Variants in RPTOR observed in about 807,000 individuals in gnomAD.
RPTOR encodes regulatory associated protein of MTOR complex 1, also known as regulatory-associated protein of mTOR.
In RPTOR, 21 loss-of-function variants were observed where a neutral mutation model predicts 169.9. That is an observed-to-expected ratio of 0.12 (90% CI 0.09 to 0.18). RPTOR has a LOEUF of 0.18. Among genes scored for constraint, RPTOR ranks in the 10% least tolerant of loss-of-function variants. The pLI, the probability that RPTOR is intolerant of heterozygous loss-of-function variation, is 1.00. For missense variants in RPTOR, 1,133 were observed against 1,855.9 expected (o/e 0.61, Z 7.16); for synonymous variants, 732 against 753.2 (o/e 0.97, Z 0.46).
At chr17:80,725,365 A>G (rs746004703) in intron 4 of RPTOR, among the ~76,000 whole-genome samples, 3 of 152,262 alleles carry the variant, frequency 2.0e-5, no homozygotes. Context: ...TTTGTTTGAA[A>G]AGAAAACATG....
intron 20 of RPTOR, among the ~76,000 whole-genome samples, chr17:80,900,869 G>A (rs768565541): frequency 4.6e-5 from 7 of 152,250 alleles, no homozygotes; most frequent in Non-Finnish European, 7.3e-5. Context: ...GCAGTGTGGC[G>A]CTGGGTCACC....
At chr17:80,758,614 T>C (rs1039280882) in intron 6 of RPTOR, among the ~76,000 whole-genome samples, 12 of 152,128 alleles carry the variant, frequency 7.9e-5, no homozygotes, top group African/African-American at 2.9e-4. Flanking sequence ...CCCAGGGGCC[T>C]GTAGGCTGGA....
chr17:80,806,368 A>T (rs908310761), intron 7 of RPTOR, among the ~76,000 whole-genome samples: 3 of 152,224 alleles, frequency 2.0e-5, no homozygotes, highest in African/African-American at 7.2e-5. Context: ...CATTGTTTTC[A>T]TAGTAAGATA....
intron 1 of RPTOR, among the ~76,000 whole-genome samples, chr17:80,582,727 A>G (rs932282642): frequency 5.3e-5 from 8 of 150,646 alleles, no homozygotes; most frequent in African/African-American, 2.0e-4. Context: ...TATATTTTCA[A>G]TAGAGACGGG....
intron 3 of RPTOR, among the ~76,000 whole-genome samples, chr17:80,693,368 T>C (rs1337829885): frequency 6.6e-6 from 1 of 152,194 alleles, no homozygotes; most frequent in Non-Finnish European, 1.5e-5. Flanking sequence ...CTCGGGTTCA[T>C]TGGGGGGATT....
intron 7 of RPTOR, among the ~76,000 whole-genome samples, chr17:80,818,006 T>A (rs1484516825): frequency 2.6e-5 from 4 of 151,874 alleles, no homozygotes; most frequent in Non-Finnish European, 4.4e-5. Flanking sequence ...AGCCCGGAAG[T>A]GTGGGGGAAG....
At chr17:80,937,100 G>T (rs893633497) in intron 24 of RPTOR, among the ~76,000 whole-genome samples, 1 of 152,194 alleles carries the variant, frequency 6.6e-6, no homozygotes, top group African/African-American at 2.4e-5. Context: ...GCGTCAAGGG[G>T]AAAAGCACAT....
chr17:80,917,317 T>A (rs560631625), intron 21 of RPTOR, among the ~76,000 whole-genome samples: 26 of 152,194 alleles, frequency 1.7e-4, no homozygotes, highest in Admixed American at 4.6e-4. Flanking sequence ...TTCACCATTG[T>A]TGGCCAGGCT....
At chr17:80,826,505 C>T (rs1036082319) in intron 9 of RPTOR, among the ~76,000 whole-genome samples, 12 of 152,250 alleles carry the variant, frequency 7.9e-5, no homozygotes, top group Non-Finnish European at 1.5e-4. Context: ...CAGCCACTGC[C>T]AGCAGCCAGG....
At chr17:80,681,298 A>G (rs2065895931) in intron 3 of RPTOR, among the ~76,000 whole-genome samples, 1 of 152,238 alleles carries the variant, frequency 6.6e-6, no homozygotes, top group Non-Finnish European at 1.5e-5. Context: ...AATAAAGAGC[A>G]GAGTGCCTGA....
At chr17:80,881,468 C>T (rs1306812535) in intron 14 of RPTOR, among the ~76,000 whole-genome samples, 1 of 152,252 alleles carries the variant, frequency 6.6e-6, no homozygotes, top group Admixed American at 6.5e-5. Context: ...CTCACATGAA[C>T]GGCCCCACCT....
At chr17:80,894,665 G>A (rs1458579586) in intron 20 of RPTOR, among the ~76,000 whole-genome samples, 1 of 152,196 alleles carries the variant, frequency 6.6e-6, no homozygotes, top group Non-Finnish European at 1.5e-5. Flanking sequence ...CTCTTGTTCT[G>A]ACTATCCAGA....
chr17:80,873,826 A>T (rs1181291613), intron 13 of RPTOR, among the ~76,000 whole-genome samples: 2 of 152,228 alleles, frequency 1.3e-5, no homozygotes, highest in East Asian at 3.8e-4. Flanking sequence ...GTGGGAGGGC[A>T]TTGCTTACCA....
intron 2 of RPTOR, among the ~76,000 whole-genome samples, chr17:80,626,816 C>A (rs894284010): frequency 2.4e-4 from 28 of 116,824 alleles, no homozygotes; most frequent in African/African-American, 9.3e-4. Flanking sequence ...TATTATTTTT[C>A]ATTCTAGGAA....
intron 1 of RPTOR, among the ~76,000 whole-genome samples, chr17:80,566,726 A>T (rs1246486730): frequency 7.0e-6 from 1 of 142,880 alleles, no homozygotes; most frequent in Non-Finnish European, 1.5e-5. Context: ...TGGGAGGCTG[A>T]GGCAGGAGAA....
intron 1 of RPTOR, among the ~76,000 whole-genome samples, chr17:80,569,361 T>C (rs1360649861): frequency 6.6e-6 from 1 of 152,144 alleles, no homozygotes; most frequent in Admixed American, 6.6e-5. Flanking sequence ...GTTTGCTGTC[T>C]TTTAAAAACA....
intron 1 of RPTOR, among the ~76,000 whole-genome samples, chr17:80,618,991 G>A (rs758770193): frequency 2.0e-5 from 3 of 152,230 alleles, no homozygotes; most frequent in African/African-American, 7.2e-5. Context: ...CCTTCCCTGC[G>A]AGGTATATCT....
At chr17:80,626,821 T>C (rs1485524447) in intron 2 of RPTOR, among the ~76,000 whole-genome samples, 1 of 150,472 alleles carries the variant, frequency 6.6e-6, no homozygotes, top group Non-Finnish European at 1.5e-5. Context: ...TTTTTCATTC[T>C]AGGAATTATT....
chr17:80,566,636 C>G (rs778333471), intron 1 of RPTOR, among the ~76,000 whole-genome samples: 7 of 151,182 alleles, frequency 4.6e-5, no homozygotes, highest in Non-Finnish European at 1.0e-4. Context: ...CTGGCTAATA[C>G]GGTGAAACCC....
Sources: gnomAD v4.1 joint callset for allele counts (sites outside exome capture counted in the v4.1 genomes callset) on GRCh38, gnomAD v4.1.1 for gene constraint, MANE v1.5 for transcripts, NCBI Gene and HGNC (gene_info 2026-07-23, HGNC 2026-07-21) for gene names.